ADGRB3: variants seen among roughly 807,000 people sequenced by gnomAD.
ADGRB3 encodes adhesion G protein-coupled receptor B3.
In ADGRB3, 37 loss-of-function variants were observed where a neutral mutation model predicts 193.4. The ratio of observed to expected loss-of-function variants is 0.19; its 90% CI spans 0.15 to 0.25. The LOEUF (loss-of-function observed/expected upper bound fraction) is 0.25, where lower values mean the gene tolerates loss of function less well. ADGRB3 is among the 10% of genes least tolerant of loss of function. The probability of loss-of-function intolerance (pLI) is 1.00; values close to 1 mark genes in which losing one functional copy is unlikely to be tolerated. For missense variants in ADGRB3, 1,637 were observed against 1,852.9 expected, an observed-to-expected ratio of 0.88 and a Z score of 2.14; for synonymous variants, 690 against 644.2, an observed-to-expected ratio of 1.07 and a Z score of -1.08.
chr6:69,289,717 G>A (rs1582607790), intron 20 of ADGRB3, among the ~76,000 whole-genome samples: 2 of 152,006 alleles, frequency 1.3e-5, no homozygotes, highest in Admixed American at 1.3e-4. Flanking sequence ...TGGCCCTACA[G>A]TTTCACCTCC....
At chr6:68,925,072 T>G (rs1767143514) in intron 3 of ADGRB3, among the ~76,000 whole-genome samples, 1 of 151,964 alleles carries the variant, frequency 6.6e-6, no homozygotes, top group Non-Finnish European at 1.5e-5. Context: ...TCATGCTAAC[T>G]GTAGAAATGT....
intron 13 of ADGRB3, among the ~76,000 whole-genome samples, chr6:69,043,281 G>A (rs7764607): frequency 5.0e-4 from 5 of 9,942 alleles, no homozygotes; most frequent in African/African-American, 1.1e-3. Flanking sequence ...AAAAGGAAAG[G>A]AAGAAAGAGA....
At chr6:69,247,265 G>A (rs1393389728) in intron 20 of ADGRB3, among the ~76,000 whole-genome samples, 1 of 152,170 alleles carries the variant, frequency 6.6e-6, no homozygotes, top group African/African-American at 2.4e-5. Flanking sequence ...ATTCAGGGCT[G>A]CCTGAAGTAC....
At chr6:68,898,492 A>G (rs72903000) in intron 3 of ADGRB3, among the ~76,000 whole-genome samples, 25,461 of 152,120 alleles carry the variant, frequency 0.17, 2,265 homozygotes, top group Middle Eastern at 0.2. Context: ...AGCTCATAGT[A>G]AAATTTACGA....
intron 15 of ADGRB3, among the ~76,000 whole-genome samples, chr6:69,058,436 A>G (rs935148150): frequency 1.3e-5 from 2 of 151,798 alleles, no homozygotes; most frequent in Non-Finnish European, 2.9e-5. Flanking sequence ...GCTATTTTCT[A>G]TTCTGTATAT....
intron 29 of ADGRB3, among the ~76,000 whole-genome samples, chr6:69,369,527 ATC>A (rs1204947465): frequency 6.6e-6 from 1 of 151,970 alleles, no homozygotes; most frequent in East Asian, 1.9e-4. Context: ...ACAAAATCTT[ATC>A]TCTACAAAAA....
intron 20 of ADGRB3, among the ~76,000 whole-genome samples, chr6:69,252,109 G>A (rs1766637085): frequency 6.6e-6 from 1 of 152,058 alleles, no homozygotes; most frequent in South Asian, 2.1e-4. Flanking sequence ...CTGTCATCGT[G>A]AATTCATTTT....
chr6:69,388,928 A>C lies in ADGRB3; in HGVS notation c.*37A>C. On this transcript the variant is annotated 3_prime_UTR_variant, in exon 32 of 32. Transcript: ENST00000370598. ...TGGACTAAGGTAGAGACAAAACTTT[A>C]TTGCACTGACACTTAAGACTTGGGA... The C allele has an allele frequency of 6.3e-7, 1 of 1,578,644 alleles. No homozygotes were observed. Among genetic ancestry groups the C allele is most frequent in the Non-Finnish European group, 8.6e-7 (1 of 1,160,050 alleles).
intron 17 of ADGRB3, among the ~76,000 whole-genome samples, chr6:69,141,051 C>G (rs1195441777): frequency 2.0e-5 from 3 of 149,220 alleles, no homozygotes; most frequent in Middle Eastern, 3.6e-3. Flanking sequence ...ATAGTAAATG[C>G]TAAGGAGAAA....
At chr6:69,369,910 C>A (rs1035645121) in intron 29 of ADGRB3, among the ~76,000 whole-genome samples, 7 of 152,038 alleles carry the variant, frequency 4.6e-5, no homozygotes, top group Non-Finnish European at 1.0e-4. Context: ...AGTTAACCTG[C>A]TTGACCTTGC....
chr6:69,065,154 G>A (rs1771863869), intron 16 of ADGRB3, among the ~76,000 whole-genome samples: 1 of 152,090 alleles, frequency 6.6e-6, no homozygotes, highest in South Asian at 2.1e-4. Context: ...AGGTTCCCAC[G>A]AGAATATATC....
intron 10 of ADGRB3, among the ~76,000 whole-genome samples, 182 bp from the exon 11 acceptor site, chr6:68,993,586 A>T (rs1458227423): frequency 2.0e-5 from 3 of 152,220 alleles, no homozygotes; most frequent in Admixed American, 1.3e-4. Context: ...TAATTCTTGC[A>T]TGCTGGATGT....
chr6:69,206,550 T>C (rs1765545490), intron 17 of ADGRB3, among the ~76,000 whole-genome samples: 3 of 152,286 alleles, frequency 2.0e-5, no homozygotes, highest in South Asian at 2.1e-4. Context: ...GTCATAATTA[T>C]GTCTAACATA....
intron 17 of ADGRB3, among the ~76,000 whole-genome samples, chr6:69,108,399 TTTC>T (rs199819259): frequency 9.7e-5 from 14 of 144,772 alleles, no homozygotes; most frequent in Non-Finnish European, 1.4e-4. Context: ...TTTTTTTTTT[TTTC>T]CAAATCTCAT....
intron 17 of ADGRB3, among the ~76,000 whole-genome samples, chr6:69,195,820 A>G (rs1765281914): frequency 6.6e-6 from 1 of 152,162 alleles, no homozygotes; most frequent in Non-Finnish European, 1.5e-5. Flanking sequence ...TCTCAATATC[A>G]GTTTAAATCA....
chr6:69,132,278 C>G (rs1160171163), intron 17 of ADGRB3, among the ~76,000 whole-genome samples: 4 of 152,132 alleles, frequency 2.6e-5, no homozygotes, highest in Non-Finnish European at 5.9e-5. Context: ...ACATCTTCTC[C>G]AGCATCTGTT....
At chr6:68,812,602 G>C (rs560302861) in intron 3 of ADGRB3, among the ~76,000 whole-genome samples, 1 of 152,204 alleles carries the variant, frequency 6.6e-6, no homozygotes, top group African/African-American at 2.4e-5. Flanking sequence ...TCTCACAACA[G>C]TTTGATTTAT....
chr6:69,080,943 A>T (rs1303282404), intron 17 of ADGRB3, among the ~76,000 whole-genome samples: 1 of 152,032 alleles, frequency 6.6e-6, no homozygotes, highest in Non-Finnish European at 1.5e-5. Flanking sequence ...TGCAGTCTGT[A>T]TGTCCAATAT....
chr6:68,674,645 A>T (rs563799517), intron 3 of ADGRB3, among the ~76,000 whole-genome samples: 1 of 152,284 alleles, frequency 6.6e-6, no homozygotes, highest in Non-Finnish European at 1.5e-5. Flanking sequence ...TATGAGCTAT[A>T]CCTTGAAGGA....
Sources: allele counts gnomAD v4.1 joint callset (sites outside exome capture counted in the v4.1 genomes callset), GRCh38; gene constraint gnomAD v4.1.1; transcripts MANE v1.5; gene names NCBI Gene and HGNC (gene_info 2026-07-23, HGNC 2026-07-21).